Variants in TMTC2 observed in about 807,000 individuals in gnomAD.
TMTC2 encodes transmembrane O-mannosyltransferase targeting cadherins 2.
A neutral mutation model predicts 82.4 loss-of-function variants in TMTC2; 43 were observed. The observed-to-expected ratio is 0.52, with a 90% CI of 0.41 to 0.67. The LOEUF (loss-of-function observed/expected upper bound fraction) is 0.67. TMTC2 is among the 30% of genes least tolerant of loss of function. TMTC2 has a pLI of 0.00. For synonymous variants in TMTC2, 408 were observed against 381.9 expected, an observed-to-expected ratio of 1.07 and a Z score of -0.80; for missense variants, 919 against 1,012.4, an observed-to-expected ratio of 0.91 and a Z score of 1.25.
chr12:82,991,384 G>A (rs1879397101), intron 8 of TMTC2, among the ~76,000 whole-genome samples: 1 of 152,030 alleles, frequency 6.6e-6, no homozygotes, highest in African/African-American at 2.4e-5. Flanking sequence ...CTTATTTTTA[G>A]AAACTATCTT....
intron 9 of TMTC2, among the ~76,000 whole-genome samples, chr12:83,047,961 G>A (rs1398520576): frequency 6.6e-6 from 1 of 152,104 alleles, no homozygotes; most frequent in African/African-American, 2.4e-5. Flanking sequence ...CTTGTTATGG[G>A]TATCATTACT....
At chr12:82,994,583 G>A (rs531153114) in intron 8 of TMTC2, among the ~76,000 whole-genome samples, 1 of 151,514 alleles carries the variant, frequency 6.6e-6, no homozygotes, top group African/African-American at 2.4e-5. Flanking sequence ...CATATAGATG[G>A]AGAAGTGACA....
chr12:82,790,979 G>T (rs540636129), intron 1 of TMTC2, among the ~76,000 whole-genome samples: 1 of 152,086 alleles, frequency 6.6e-6, no homozygotes, highest in Non-Finnish European at 1.5e-5. Context: ...AGGGGAGCCA[G>T]TTGAGTGAGC....
intron 10 of TMTC2, among the ~76,000 whole-genome samples, chr12:83,052,182 A>G (rs998421399): frequency 6.6e-6 from 1 of 152,104 alleles, no homozygotes; most frequent in African/African-American, 2.4e-5. Flanking sequence ...TCACAATTGG[A>G]TGGTGACATC....
intron 1 of TMTC2, among the ~76,000 whole-genome samples, chr12:82,817,967 G>C (rs568887865): frequency 3.1e-4 from 47 of 152,174 alleles, no homozygotes; most frequent in African/African-American, 1.1e-3. Flanking sequence ...TTTCTGTATA[G>C]TACCAGGCAG....
intron 2 of TMTC2, among the ~76,000 whole-genome samples, chr12:82,882,371 A>G (rs181285055): frequency 2.0e-5 from 3 of 152,250 alleles, no homozygotes; most frequent in Admixed American, 6.5e-5. Context: ...ATATCTTTCT[A>G]TATCAAAGGG....
At chr12:83,109,853 A>G (rs147394324) in intron 11 of TMTC2, among the ~76,000 whole-genome samples, 5 of 152,300 alleles carry the variant, frequency 3.3e-5, no homozygotes, top group African/African-American at 1.2e-4. Context: ...ATAAAGAAAA[A>G]CACTTTACTT....
intron 1 of TMTC2, among the ~76,000 whole-genome samples, chr12:82,854,355 T>C (rs1238582769): frequency 2.0e-5 from 3 of 152,154 alleles, no homozygotes; most frequent in African/African-American, 4.8e-5. Context: ...CCCTCAATCT[T>C]ACTGCTCTGC....
intron 1 of TMTC2, among the ~76,000 whole-genome samples, chr12:82,701,313 A>T (rs1173845780): frequency 6.6e-6 from 1 of 152,168 alleles, no homozygotes; most frequent in Admixed American, 6.5e-5. Context: ...ACTTTTATGT[A>T]CTGTTTGTTT....
chr12:82,999,466 G>A (rs749739277), intron 8 of TMTC2, among the ~76,000 whole-genome samples: 3 of 152,174 alleles, frequency 2.0e-5, no homozygotes, highest in Non-Finnish European at 4.4e-5. Flanking sequence ...AGTGTATTCC[G>A]TTTTCACGCT....
chr12:82,777,057 A>G (rs1877637480), intron 1 of TMTC2, among the ~76,000 whole-genome samples: 1 of 152,198 alleles, frequency 6.6e-6, no homozygotes, highest in African/African-American at 2.4e-5. Flanking sequence ...AGGGGATACC[A>G]TATTCATAGA....
intron 3 of TMTC2, among the ~76,000 whole-genome samples, chr12:82,928,038 C>T (rs150646361): frequency 3.3e-5 from 5 of 152,102 alleles, no homozygotes; most frequent in African/African-American, 7.2e-5. Flanking sequence ...ATGTCTGTTG[C>T]CAACAAGAGA....
intron 1 of TMTC2, among the ~76,000 whole-genome samples, chr12:82,738,562 G>T (rs1321495311): frequency 6.6e-6 from 1 of 152,146 alleles, no homozygotes; most frequent in Non-Finnish European, 1.5e-5. Context: ...GTAGTATTCA[G>T]GTGTTAAGTG....
intron 8 of TMTC2, among the ~76,000 whole-genome samples, chr12:83,023,126 T>C (rs1881007852): frequency 2.6e-5 from 4 of 152,224 alleles, no homozygotes. Context: ...GATGTTTTTG[T>C]TACATATTAC....
At chr12:82,876,028 C>CGGTGGTGGTGGCGGTGGTGGT (rs1872476597) in intron 2 of TMTC2, among the ~76,000 whole-genome samples, 2 of 83,488 alleles carry the variant, frequency 2.4e-5, no homozygotes, top group African/African-American at 1.0e-4. Flanking sequence ...GTAGTGGTGG[C>CGGTGGTGGTGGCGGTGGTGGT]GGTGGTGGTG....
intron 1 of TMTC2, among the ~76,000 whole-genome samples, chr12:82,794,400 G>T (rs143360181): frequency 2.0e-5 from 3 of 152,080 alleles, no homozygotes; most frequent in Non-Finnish European, 4.4e-5. Flanking sequence ...CACAAATTGA[G>T]GTATATTGTT....
At chr12:82,694,169 T>G (rs1372582241) in intron 1 of TMTC2, among the ~76,000 whole-genome samples, 1 of 152,132 alleles carries the variant, frequency 6.6e-6, no homozygotes, top group Non-Finnish European at 1.5e-5. Context: ...AGATTCCACA[T>G]TAAAAGTTGA....
chr12:83,105,974 G>A lies in TMTC2; in HGVS notation c.2332-26236G>A, dbSNP rs535738236. Among the ~76,000 whole-genome samples the A allele has an allele frequency of 7.9e-5, 12 of 152,206 alleles. No individual in the cohort carries two copies. The East Asian group carries it at 1.4e-3, about 17-fold the overall frequency. The stretch of plus-strand genomic sequence containing the variant: ...ATTATCAGAAAAAGAATATAGAATA[G>A]CGTTGTATGAAATATTTAAGAAATA... On this transcript the variant is annotated intron_variant, in intron 11 of 11. Coordinates refer to ENST00000321196, the MANE Select transcript of TMTC2 (RefSeq NM_152588.3).
chr12:83,027,697 C>A (rs903337771), intron 8 of TMTC2, among the ~76,000 whole-genome samples: 1 of 152,134 alleles, frequency 6.6e-6, no homozygotes, highest in Non-Finnish European at 1.5e-5. Flanking sequence ...TGTGTGATGG[C>A]ACAGTGTCTC....
Sources: gnomAD v4.1 joint callset for allele counts (sites outside exome capture counted in the v4.1 genomes callset) on GRCh38, gnomAD v4.1.1 for gene constraint, MANE v1.5 for transcripts, NCBI Gene and HGNC (gene_info 2026-07-23, HGNC 2026-07-21) for gene names.